The following RPS6KC1 variants were observed in gnomAD, a reference collection of about 807,000 sequenced individuals.
The protein encoded by RPS6KC1 is ribosomal protein S6 kinase C1.
A neutral mutation model predicts 103.8 loss-of-function variants in RPS6KC1; 54 were observed. That is an observed-to-expected ratio of 0.52 (90% CI 0.42 to 0.65). RPS6KC1 has a LOEUF of 0.65. Ranked by LOEUF, RPS6KC1 falls within the 30% of genes least tolerant of loss-of-function variation. The pLI, the probability that RPS6KC1 is intolerant of heterozygous loss-of-function variation, is 0.00. For synonymous variants in RPS6KC1, 439 were observed against 438.7 expected (o/e 1.00, Z -0.01); for missense variants, 1,151 against 1,253.8 (o/e 0.92, Z 1.24).
chr1:213,688,665 A>G, the RPS6KC1 span, among the ~76,000 whole-genome samples: 114 of 152,244 alleles, frequency 7.5e-4, no homozygotes, highest in African/African-American at 2.6e-3. Context: ...CCCAACACTT[A>G]CCATCTTGCT....
In RPS6KC1 at chr1:213,119,614, A is replaced by G. The variant is rs115512754; in HGVS notation, c.472+2204A>G. On this transcript the variant is annotated intron_variant, in intron 5 of 14. Transcript: ENST00000366960. ...ATGGGAGTAGTTATATTCTTCTGAT[A>G]TCTATAATAAGCTTCTGTTACTAGG... Among the ~76,000 whole-genome samples the G allele has an allele frequency of 6.7e-3, 1,018 of 151,536 alleles. 13 individuals carry two copies. Among genetic ancestry groups the G allele is most frequent in the African/African-American group, 0.023 (964 of 41,180 alleles).
the RPS6KC1 span, among the ~76,000 whole-genome samples, chr1:213,788,159 A>AAG: frequency 3.7e-4 from 56 of 152,290 alleles, no homozygotes; most frequent in East Asian, 9.1e-3. Flanking sequence ...GGGGGTCATG[A>AAG]AGACATTGCC....
chr1:213,375,860 G>T, the RPS6KC1 span, among the ~76,000 whole-genome samples: 5 of 152,270 alleles, frequency 3.3e-5, no homozygotes, highest in East Asian at 9.6e-4. Context: ...GCTGCTGGGG[G>T]GTCTCTGGCC....
the RPS6KC1 span, among the ~76,000 whole-genome samples, chr1:213,728,066 G>A: frequency 6.6e-6 from 1 of 152,096 alleles, no homozygotes; most frequent in Non-Finnish European, 1.5e-5. Context: ...AAGCCATTGT[G>A]GGCCACTGAG....
At position 213,177,145 on chromosome 1, in the gene RPS6KC1, G is replaced by A. The variant is rs373218983; in HGVS notation, c.1044+653G>A. Among the ~76,000 whole-genome samples the A allele has an allele frequency of 2.6e-4, 40 of 152,216 alleles. 1 individual carries two copies. In the East Asian group the frequency reaches 7.3e-3, roughly 28 times the overall value. On this transcript the variant is annotated intron_variant, in intron 8 of 14. Transcript: ENST00000366960. ...GGGGTAAAAATACTGGCCTCACAGA[G>A]TTATCTGCCATTGTGTATGTGCAAA...
chr1:213,692,352 G>C, the RPS6KC1 span, among the ~76,000 whole-genome samples: 179 of 147,756 alleles, frequency 1.2e-3, 1 homozygote, highest in African/African-American at 4.3e-3. Context: ...TTGATATCTT[G>C]CCACTACACT....
chr1:213,481,871 G>T, the RPS6KC1 span, among the ~76,000 whole-genome samples: 1 of 152,192 alleles, frequency 6.6e-6, no homozygotes, highest in African/African-American at 2.4e-5. Context: ...GGCCTGGTGG[G>T]AGGTGGTTGG....
the RPS6KC1 span, among the ~76,000 whole-genome samples, chr1:213,850,882 G>T: frequency 0.61 from 92,947 of 151,230 alleles, 30,250 homozygotes; most frequent in African/African-American, 0.82. Flanking sequence ...TCACAATCTA[G>T]TTAGCTGATT....
At chr1:213,302,306 G>A in the RPS6KC1 span, among the ~76,000 whole-genome samples, 2 of 152,132 alleles carry the variant, frequency 1.3e-5, no homozygotes, top group South Asian at 4.1e-4. Context: ...CCTTTTGTAG[G>A]TTTCTGCAGC....
chr1:213,331,561 G>A, the RPS6KC1 span, among the ~76,000 whole-genome samples: 1 of 152,336 alleles, frequency 6.6e-6, no homozygotes, highest in Middle Eastern at 3.4e-3. Context: ...AGGAGGCTAG[G>A]CCTAGGTAGA....
the RPS6KC1 span, among the ~76,000 whole-genome samples, chr1:213,584,635 T>C: frequency 2.0e-5 from 3 of 152,232 alleles, no homozygotes; most frequent in African/African-American, 7.2e-5. Context: ...GAATTTATGT[T>C]AGGAAAAGAG....
At chr1:213,719,451 T>C in the RPS6KC1 span, among the ~76,000 whole-genome samples, 1 of 152,192 alleles carries the variant, frequency 6.6e-6, no homozygotes, top group African/African-American at 2.4e-5. Flanking sequence ...CAATAAGGGG[T>C]ATGTGTTACA....
At chr1:213,517,680 T>A in the RPS6KC1 span, among the ~76,000 whole-genome samples, 1 of 152,202 alleles carries the variant, frequency 6.6e-6, no homozygotes, top group Non-Finnish European at 1.5e-5. Context: ...AGGTGTGGTG[T>A]GGTGCTGAAA....
chr1:213,476,556 G>C, the RPS6KC1 span, among the ~76,000 whole-genome samples: 2 of 152,120 alleles, frequency 1.3e-5, no homozygotes, highest in African/African-American at 4.8e-5. Context: ...GGAGGGTGAA[G>C]ACCTAGCCTG....
chr1:213,328,066 G>A, the RPS6KC1 span, among the ~76,000 whole-genome samples: 1 of 152,138 alleles, frequency 6.6e-6, no homozygotes, highest in Non-Finnish European at 1.5e-5. Flanking sequence ...AAATTTACAT[G>A]TATGGTAGCT....
the RPS6KC1 span, among the ~76,000 whole-genome samples, chr1:213,583,890 T>G: frequency 6.8e-6 from 1 of 147,884 alleles, no homozygotes; most frequent in African/African-American, 2.5e-5. Context: ...CAGGACCCCA[T>G]CCCCCAGAGT....
chr1:213,673,996 C>G, the RPS6KC1 span, among the ~76,000 whole-genome samples: 2 of 152,082 alleles, frequency 1.3e-5, no homozygotes, highest in African/African-American at 4.8e-5. Context: ...CTCCCTACCC[C>G]TTCTGGCAGC....
intron 8 of RPS6KC1, among the ~76,000 whole-genome samples, chr1:213,190,883 G>A (rs1364113668): frequency 6.6e-6 from 1 of 152,180 alleles, no homozygotes; most frequent in Non-Finnish European, 1.5e-5. Flanking sequence ...GGTTTTCCCA[G>A]CACTGTGTAT....
the RPS6KC1 span, among the ~76,000 whole-genome samples, chr1:213,453,825 G>T: frequency 1.3e-5 from 2 of 152,140 alleles, no homozygotes; most frequent in Non-Finnish European, 2.9e-5. Flanking sequence ...AATATAGTTG[G>T]CCCTTGAACA....
Sources: allele counts gnomAD v4.1 joint callset (sites outside exome capture counted in the v4.1 genomes callset), GRCh38; gene constraint gnomAD v4.1.1; transcripts MANE v1.5; gene names NCBI Gene and HGNC (gene_info 2026-07-23, HGNC 2026-07-21).